Variants in KIF6 observed in about 807,000 individuals in gnomAD.
The protein encoded by KIF6 is kinesin-like protein KIF6.
A neutral mutation model predicts 112.7 loss-of-function variants in KIF6; 106 were observed. That is an observed-to-expected ratio of 0.94 (90% CI 0.80 to 1.11). KIF6 has a LOEUF of 1.11. Ranked by LOEUF, KIF6 falls within the 50% of genes least tolerant of loss-of-function variation. KIF6 has a pLI of 0.00. For synonymous variants in KIF6, 339 were observed against 339.9 expected (o/e 1.00, Z 0.03); for missense variants, 929 against 964.0 (o/e 0.96, Z 0.48).
intron 10 of KIF6, among the ~76,000 whole-genome samples, chr6:39,546,887 A>G (rs973650096): frequency 5.9e-5 from 9 of 151,344 alleles, no homozygotes; most frequent in African/African-American, 2.2e-4. Context: ...GTAGCATTCT[A>G]GTACTTTGTA....
At chr6:39,370,815 G>A (rs1336368439) in intron 16 of KIF6, among the ~76,000 whole-genome samples, 2 of 152,112 alleles carry the variant, frequency 1.3e-5, no homozygotes, top group Non-Finnish European at 2.9e-5. Flanking sequence ...GGGGATCTGT[G>A]TGGGTGCTGG....
intron 12 of KIF6, among the ~76,000 whole-genome samples, chr6:39,544,153 T>C (rs1778941828): frequency 6.6e-6 from 1 of 152,150 alleles, no homozygotes; most frequent in Admixed American, 6.5e-5. Context: ...CCATGGTGAG[T>C]CTGTGGTCAG....
intron 3 of KIF6, among the ~76,000 whole-genome samples, chr6:39,651,353 G>A (rs187630984): frequency 1.4e-4 from 21 of 152,186 alleles, no homozygotes; most frequent in Admixed American, 1.4e-3. Context: ...GGGAGGATCT[G>A]TCTGAGAAGT....
chr6:39,485,742 T>C (rs1192697169), intron 13 of KIF6, among the ~76,000 whole-genome samples: 1 of 152,130 alleles, frequency 6.6e-6, no homozygotes, highest in Non-Finnish European at 1.5e-5. Flanking sequence ...CTGATTTTGT[T>C]TGAACAAGGG....
intron 15 of KIF6, among the ~76,000 whole-genome samples, chr6:39,402,219 G>A (rs956733428): frequency 3.9e-5 from 6 of 152,102 alleles, no homozygotes; most frequent in Non-Finnish European, 7.3e-5. Flanking sequence ...GAAAAGGTAC[G>A]ATGTGTTACT....
chr6:39,679,676 T>C (rs302559), intron 3 of KIF6, among the ~76,000 whole-genome samples: 130,321 of 146,896 alleles, frequency 0.89, 58,272 homozygotes, highest in East Asian at 0.97. Flanking sequence ...AGTGCAGTGG[T>C]GCAATCTCGG....
At position 39,342,583 on chromosome 6, in the gene KIF6, C is replaced by CACTG. The variant is rs1442814903; in HGVS notation, c.2428+1122_2428+1125dup. On this transcript the variant is annotated intron_variant, in intron 22 of 22. Transcript: ENST00000287152. The surrounding 1 kb of genome is among the most constrained non-coding windows in gnomAD (Gnocchi z 4.7). ...GGGGCATAGATGGGGACTTGGAGAT[C>CACTG]ACTGAATCCAGTTTTTTATTTTTTT... 6.8e-6 allele frequency among the ~76,000 whole-genome samples: 1 copy of CACTG among 146,580 alleles called. No homozygotes were observed. The highest frequency in any genetic ancestry group is 1.5e-5 in the Non-Finnish European group (1 of 67,620).
intron 15 of KIF6, among the ~76,000 whole-genome samples, chr6:39,389,096 C>G (rs546267273): frequency 6.6e-6 from 1 of 152,104 alleles, no homozygotes; most frequent in South Asian, 2.1e-4. Context: ...TAAATATGAC[C>G]GCGAGCAGGG....
intron 3 of KIF6, among the ~76,000 whole-genome samples, chr6:39,665,312 T>C (rs972150942): frequency 1.3e-5 from 2 of 152,204 alleles, no homozygotes; most frequent in Non-Finnish European, 2.9e-5. Context: ...ACAATGTTTT[T>C]GCATACATGC....
intron 3 of KIF6, among the ~76,000 whole-genome samples, chr6:39,674,825 T>C (rs2480088): frequency 0.34 from 47,672 of 139,416 alleles, 8,975 homozygotes; most frequent in Non-Finnish European, 0.42. Context: ...GATAACTGAG[T>C]CAGGATTAAA....
chr6:39,686,941 G>T (rs570813292), intron 3 of KIF6, among the ~76,000 whole-genome samples: 1 of 152,216 alleles, frequency 6.6e-6, no homozygotes, highest in African/African-American at 2.4e-5. Flanking sequence ...GAACAGGGCT[G>T]GTTTTTTATT....
chr6:39,611,534 G>A (rs1377964177), intron 6 of KIF6, among the ~76,000 whole-genome samples: 1 of 152,144 alleles, frequency 6.6e-6, no homozygotes, highest in African/African-American at 2.4e-5. Context: ...CCCACTGAAG[G>A]TGAGGGAAAG....
chr6:39,565,883 G>A (rs1265210116), intron 10 of KIF6, among the ~76,000 whole-genome samples: 1 of 152,186 alleles, frequency 6.6e-6, no homozygotes, highest in African/African-American at 2.4e-5. Context: ...AGAACAGAGA[G>A]TTCAAAATAA....
rs1582543146 is a variant in KIF6 at position 39,725,386 on chromosome 6, C to T, written c.-76G>A. ...CAAAACTAACTCCCACCACCTCCGG[C>T]GACCCACAGTCTTAGCAACAGTAGC... On this transcript the variant is annotated 5_prime_UTR_variant, in exon 1 of 23. Transcript: ENST00000287152. 34 of 1,204,860 alleles carry T rather than the reference C, an allele frequency of 2.8e-5. No individual in the cohort carries two copies. In the East Asian group the frequency reaches 8.7e-4, roughly 31 times the overall value. The allele number at this position is 1,204,860 out of a possible 1,614,324, so 74.6% of individuals were successfully genotyped here. A position where few individuals can be genotyped will look rare whatever the true frequency, so the allele number is the denominator to read the frequency against.
intron 7 of KIF6, among the ~76,000 whole-genome samples, chr6:39,593,196 G>C (rs1347907043): frequency 6.6e-6 from 1 of 152,028 alleles, no homozygotes; most frequent in Non-Finnish European, 1.5e-5. Flanking sequence ...ACAATTTGTT[G>C]AATGAATGAA....
intron 3 of KIF6, among the ~76,000 whole-genome samples, chr6:39,668,559 A>C (rs1786617613): frequency 6.6e-6 from 1 of 152,186 alleles, no homozygotes; most frequent in African/African-American, 2.4e-5. Flanking sequence ...CTTTGCTTGA[A>C]TACTTCGTGT....
intron 21 of KIF6, among the ~76,000 whole-genome samples, chr6:39,345,217 C>A (rs769885155): frequency 6.6e-6 from 1 of 152,230 alleles, no homozygotes; most frequent in African/African-American, 2.4e-5. Context: ...GCAGGCCAGC[C>A]GGAAGCACTA....
intron 7 of KIF6, among the ~76,000 whole-genome samples, chr6:39,589,041 C>T (rs1781790949): frequency 1.3e-5 from 2 of 152,284 alleles, no homozygotes; most frequent in African/African-American, 4.8e-5. Context: ...GTGGTCCATC[C>T]CTGTTCGACT....
intron 3 of KIF6, among the ~76,000 whole-genome samples, chr6:39,659,499 C>A (rs1044085365): frequency 2.0e-5 from 3 of 152,080 alleles, no homozygotes; most frequent in African/African-American, 7.2e-5. Context: ...GTGTTCCCAC[C>A]CAAATCTCAT....
Sources: allele counts gnomAD v4.1 joint callset (sites outside exome capture counted in the v4.1 genomes callset), GRCh38; gene constraint gnomAD v4.1.1; non-coding constraint Gnocchi (gnomAD v3.1); transcripts MANE v1.5; gene names NCBI Gene and HGNC (gene_info 2026-07-23, HGNC 2026-07-21).